Variants in RGS7 observed in about 807,000 individuals in gnomAD.
The protein encoded by RGS7 is regulator of G-protein signaling 7.
Under a neutral mutation model 81.1 loss-of-function variants are expected in RGS7, and 27 were observed. That is an observed-to-expected ratio of 0.33 (90% CI 0.25 to 0.46). The LOEUF is 0.46. Ranked by LOEUF, RGS7 falls within the 20% of genes least tolerant of loss-of-function variation. The pLI is 1.00. For synonymous variants in RGS7, 208 were observed against 207.7 expected (o/e 1.00, Z -0.01); for missense variants, 396 against 607.4 (o/e 0.65, Z 3.66).
At chr1:241,224,357 T>C (rs938579381) in intron 2 of RGS7, among the ~76,000 whole-genome samples, 6 of 151,792 alleles carry the variant, frequency 4.0e-5, no homozygotes, top group African/African-American at 1.5e-4. Flanking sequence ...TTTGGTTTTC[T>C]GTTCTTGTGA....
chr1:241,307,533 A>G (rs1166407831), intron 2 of RGS7, among the ~76,000 whole-genome samples: 2 of 152,196 alleles, frequency 1.3e-5, no homozygotes, highest in Non-Finnish European at 2.9e-5. Context: ...ATTCATTCAA[A>G]CCAACTAAAA....
chr1:241,042,013 T>C (rs1347334213), intron 3 of RGS7, among the ~76,000 whole-genome samples: 2 of 152,124 alleles, frequency 1.3e-5, no homozygotes, highest in Non-Finnish European at 2.9e-5. Context: ...TGACCAACCA[T>C]AGTGACTAAG....
intron 3 of RGS7, among the ~76,000 whole-genome samples, chr1:241,007,596 A>G (rs187146582): frequency 1.3e-5 from 2 of 152,208 alleles, no homozygotes; most frequent in South Asian, 2.1e-4. Flanking sequence ...TGAGATAGAA[A>G]GAAAGAATTT....
At chr1:240,993,227 A>C (rs1305759552) in intron 3 of RGS7, among the ~76,000 whole-genome samples, 1 of 151,122 alleles carries the variant, frequency 6.6e-6, no homozygotes. Context: ...GGAAGGAAGG[A>C]AAGAAGGAGA....
intron 1 of RGS7, among the ~76,000 whole-genome samples, 163 bp from the exon 2 acceptor site, chr1:241,355,989 C>T (rs578093972): frequency 6.6e-6 from 1 of 152,192 alleles, no homozygotes; most frequent in Non-Finnish European, 1.5e-5. Context: ...TTGACACCTA[C>T]AATAACCTCA....
At chr1:240,920,088 G>A in intron 6 of RGS7, 1 of 942,474 alleles carries the variant, frequency 1.1e-6, no homozygotes, top group African/African-American at 1.6e-5. Flanking sequence ...CAAGAAAAGA[G>A]GCTTTGCCTT....
intron 2 of RGS7, among the ~76,000 whole-genome samples, chr1:241,289,718 C>T (rs993969447): frequency 1.3e-5 from 2 of 152,116 alleles, no homozygotes; most frequent in East Asian, 1.9e-4. Flanking sequence ...TGAAGAAACC[C>T]TCCTCACCTC....
intron 2 of RGS7, among the ~76,000 whole-genome samples, chr1:241,246,699 T>C (rs2076567472): frequency 6.6e-6 from 1 of 152,078 alleles, no homozygotes; most frequent in African/African-American, 2.4e-5. Context: ...TCTGGGTATG[T>C]TGGCTTTAAT....
At chr1:241,296,768 G>C (rs566347533) in intron 2 of RGS7, among the ~76,000 whole-genome samples, 1 of 152,318 alleles carries the variant, frequency 6.6e-6, no homozygotes, top group African/African-American at 2.4e-5. Flanking sequence ...TCTGGCTGCA[G>C]GTGCCTGCAA....
At chr1:241,230,631 C>T (rs1017924261) in intron 2 of RGS7, among the ~76,000 whole-genome samples, 12 of 152,228 alleles carry the variant, frequency 7.9e-5, no homozygotes, top group Admixed American at 2.6e-4. Flanking sequence ...ACATTAACCT[C>T]AAGGCCTGTA....
intron 6 of RGS7, among the ~76,000 whole-genome samples, chr1:240,893,020 G>T (rs1243444797): frequency 1.3e-5 from 2 of 151,684 alleles, no homozygotes; most frequent in African/African-American, 4.8e-5. Flanking sequence ...ACATCTTTTT[G>T]AATATCTAGT....
chr1:241,218,569 C>G, intron 2 of RGS7, among the ~76,000 whole-genome samples: 1 of 152,242 alleles, frequency 6.6e-6, no homozygotes. Flanking sequence ...AAACAGACTG[C>G]TGCTCTGGGT....
intron 10 of RGS7, among the ~76,000 whole-genome samples, chr1:240,821,630 A>C (rs1408090236): frequency 6.6e-6 from 1 of 152,218 alleles, no homozygotes; most frequent in African/African-American, 2.4e-5. Flanking sequence ...AGTTGAAGAC[A>C]TGTCCATATT....
chr1:240,833,332 C>T (rs1435023120), intron 9 of RGS7, among the ~76,000 whole-genome samples: 1 of 152,154 alleles, frequency 6.6e-6, no homozygotes, highest in Non-Finnish European at 1.5e-5. Flanking sequence ...CTCAGAATGG[C>T]ACGAAATTAC....
At chr1:241,321,194 T>A (rs1036785544) in intron 2 of RGS7, among the ~76,000 whole-genome samples, 5 of 152,202 alleles carry the variant, frequency 3.3e-5, no homozygotes, top group African/African-American at 1.2e-4. Context: ...TTAAATTGTA[T>A]CATGACAGAG....
rs261796 is a variant in RGS7 at position 240,946,880 on chromosome 1, C to G, written c.227-10174G>C. On this transcript the variant is annotated intron_variant, in intron 4 of 18. Transcript: ENST00000440928. ...AGCTAGAAGAGGAGATTTTGAATGC[C>G]GTTACCGCAAAGACATGATAAATGT... is the stretch of plus-strand genomic sequence containing the variant. Among the ~76,000 whole-genome samples the G allele has an allele frequency of 2.0e-5, 3 of 152,168 alleles. No individual in the cohort carries two copies. The South Asian group carries it at 6.2e-4, about 32-fold the overall frequency.
At chr1:240,784,559 T>C (rs996930586) in intron 18 of RGS7, among the ~76,000 whole-genome samples, 4 of 150,878 alleles carry the variant, frequency 2.7e-5, no homozygotes, top group Non-Finnish European at 5.9e-5. Flanking sequence ...GGCAGGAGAA[T>C]GGCGTGAACC....
rs562755258 is a variant in RGS7, at chr1:240,841,583, A to G, written c.610-14411T>C. Among the ~76,000 whole-genome samples, 9 of 82,496 alleles carry G rather than the reference A, an allele frequency of 1.1e-4. No homozygotes were observed. The South Asian group carries it at 3.1e-3, about 28-fold the overall frequency. The allele number at this position is 82,496 out of a possible 152,430, so 54.1% of individuals were successfully genotyped here. A position where few individuals can be genotyped will look rare whatever the true frequency, so the allele number is the denominator to read the frequency against. ...AGTACTTTGACATTTTTCAACTATA[A>G]CCATCATCTAATATGAGTTTCATAA... On this transcript the variant is annotated intron_variant, in intron 9 of 18. Coordinates refer to ENST00000440928, the MANE Select transcript of RGS7 (RefSeq NM_001364886.1).
chr1:241,194,298 A>G (rs1223434346), intron 2 of RGS7, among the ~76,000 whole-genome samples: 4 of 152,178 alleles, frequency 2.6e-5, no homozygotes, highest in Non-Finnish European at 5.9e-5. Context: ...CATATTCTAC[A>G]GCTTGCTACC....
Sources: allele counts gnomAD v4.1 joint callset (sites outside exome capture counted in the v4.1 genomes callset), GRCh38; gene constraint gnomAD v4.1.1; transcripts MANE v1.5; gene names NCBI Gene and HGNC (gene_info 2026-07-23, HGNC 2026-07-21).